RBPJ: variants seen among roughly 807,000 people sequenced by gnomAD.
The protein encoded by RBPJ is recombination signal binding protein for immunoglobulin kappa J region.
In RBPJ, 9 loss-of-function variants were observed where a neutral mutation model predicts 67.8. The observed-to-expected ratio is 0.13, with a 90% CI of 0.08 to 0.23. RBPJ has a LOEUF of 0.23. Ranked by LOEUF, RBPJ falls within the 10% of genes least tolerant of loss-of-function variation. RBPJ has a pLI of 1.00. For missense variants in RBPJ, 305 were observed against 595.6 expected (o/e 0.51, Z 5.08); for synonymous variants, 198 against 203.3 (o/e 0.97, Z 0.22).
At chr4:26,312,044 C>T (rs928384721) in intron 1 of RBPJ, among the ~76,000 whole-genome samples, 1 of 152,194 alleles carries the variant, frequency 6.6e-6, no homozygotes. Context: ...CATTTAGCGT[C>T]TTAGGGAGTG....
intron 1 of RBPJ, 110 bp downstream of exon 1, chr4:26,321,158 C>G (rs1166349865): frequency 3.3e-6 from 2 of 601,896 alleles, no homozygotes; most frequent in Admixed American, 8.6e-5. Context: ...TTCGGGGGCC[C>G]GCGGGGGCGG....
chr4:26,197,002 C>G (rs1202380894), intron 1 of RBPJ, among the ~76,000 whole-genome samples: 5 of 152,212 alleles, frequency 3.3e-5, no homozygotes, highest in Non-Finnish European at 7.3e-5. Flanking sequence ...ATGTATTTCT[C>G]TTATCATCTG....
At chr4:26,236,635 T>C (rs1224511107) in intron 1 of RBPJ, among the ~76,000 whole-genome samples, 1 of 152,208 alleles carries the variant, frequency 6.6e-6, no homozygotes, top group Admixed American at 6.5e-5. Flanking sequence ...GAGACCAAGA[T>C]GGAAGCTCAA....
At chr4:26,374,636 C>A (rs1358709358) in intron 1 of RBPJ, among the ~76,000 whole-genome samples, 1 of 152,010 alleles carries the variant, frequency 6.6e-6, no homozygotes, top group African/African-American at 2.4e-5. Flanking sequence ...CCACCATGCC[C>A]AGCTAATTTT....
At chr4:26,192,588 G>T (rs1412953458) in intron 1 of RBPJ, among the ~76,000 whole-genome samples, 1 of 152,072 alleles carries the variant, frequency 6.6e-6, no homozygotes, top group Non-Finnish European at 1.5e-5. Context: ...GCACTTAATT[G>T]GTTCTCAACT....
chr4:26,289,164 A>T (rs1721577391), intron 1 of RBPJ, among the ~76,000 whole-genome samples: 1 of 150,378 alleles, frequency 6.6e-6, no homozygotes, highest in Non-Finnish European at 1.5e-5. Context: ...TGGGAGGCCG[A>T]GGTGGACAGA....
At chr4:26,316,863 C>T (rs1358358585), upstream of RBPJ, among the ~76,000 whole-genome samples, 1 of 48,568 alleles carries the variant, frequency 2.1e-5, no homozygotes, top group African/African-American at 7.8e-5. Context: ...TTGCAAAAAA[C>T]CAACACAGGT....
rs1315023216 is a variant in RBPJ, at chr4:26,326,700, A to G, written c.20+5652A>G. On this transcript the variant is annotated intron_variant, in intron 1 of 10. Transcript: ENST00000355476. ...CTGTCAAATAAGGTAAATTTTGTGAAATAAGGTCAAATGAAACAGTGTATG... is the reference window on the plus strand; with the variant it reads ...CTGTCAAATAAGGTAAATTTTGTGAGATAAGGTCAAATGAAACAGTGTATG... Among the ~76,000 whole-genome samples, 4 of 152,350 alleles carry G rather than the reference A, an allele frequency of 2.6e-5. No homozygotes were observed. In the East Asian group the frequency reaches 7.7e-4, roughly 29 times the overall value.
rs569279143 is a variant in RBPJ at position 26,390,174 on chromosome 4, A to C, written c.59+3783A>C. Among the ~76,000 whole-genome samples, 6 of 152,346 alleles carry C rather than the reference A, an allele frequency of 3.9e-5. No homozygotes were observed. In the South Asian group the frequency reaches 1.2e-3, roughly 32 times the overall value. On this transcript the variant is annotated intron_variant, in intron 2 of 10. Transcript: ENST00000355476. ...ATAGAACAAAAAAGGAAAATCATAT[A>C]GTTATCTCGGGATTTAGAAAAAGCT...
At chr4:26,191,266 G>A (rs1211454783) in intron 1 of RBPJ, among the ~76,000 whole-genome samples, 3 of 141,090 alleles carry the variant, frequency 2.1e-5, no homozygotes, top group Non-Finnish European at 4.5e-5. Flanking sequence ...GGGAGAGAGG[G>A]AGAGAGAGAT....
chr4:26,316,631 T>TATTGATATATATATACAC (rs1722645679), upstream of RBPJ, among the ~76,000 whole-genome samples: 1 of 142,994 alleles, frequency 7.0e-6, no homozygotes, highest in Non-Finnish European at 1.5e-5. Flanking sequence ...TATATACACA[T>TATTGATATATATATACAC]ATTGATATAT....
intron 1 of RBPJ, among the ~76,000 whole-genome samples, chr4:26,278,954 G>A (rs559829293): frequency 1.6e-4 from 25 of 152,252 alleles, no homozygotes; most frequent in Non-Finnish European, 2.5e-4. Context: ...GGGTGCTGCC[G>A]TGGGAGCAGG....
intron 1 of RBPJ, among the ~76,000 whole-genome samples, chr4:26,188,367 T>C (rs1046296020): frequency 6.6e-6 from 1 of 152,210 alleles, no homozygotes; most frequent in African/African-American, 2.4e-5. Context: ...TACAATTTTG[T>C]CAAAAGCAAA....
At chr4:26,301,385 G>T (rs1417298604) in intron 1 of RBPJ, among the ~76,000 whole-genome samples, 1 of 152,148 alleles carries the variant, frequency 6.6e-6, no homozygotes, top group Non-Finnish European at 1.5e-5. Flanking sequence ...GAGGTCAGGA[G>T]ATCGAGACCA....
chr4:26,380,753 G>T (rs1730233089), intron 1 of RBPJ, among the ~76,000 whole-genome samples: 2 of 151,788 alleles, frequency 1.3e-5, no homozygotes, highest in South Asian at 4.2e-4. Flanking sequence ...TATGAGTTTG[G>T]ATTGTTGATG....
chr4:26,177,871 C>T (rs1716850967), intron 1 of RBPJ, among the ~76,000 whole-genome samples: 1 of 152,228 alleles, frequency 6.6e-6, no homozygotes, highest in Admixed American at 6.5e-5. Context: ...AGTCTCTGCA[C>T]ATGTAATAAA....
At chr4:26,254,637 G>A (rs769077331) in intron 1 of RBPJ, among the ~76,000 whole-genome samples, 2 of 147,632 alleles carry the variant, frequency 1.4e-5, no homozygotes, top group Non-Finnish European at 2.9e-5. Context: ...GAATGTTATC[G>A]ATGCTAGATA....
chr4:26,332,205 G>A (rs1340547361), intron 1 of RBPJ, among the ~76,000 whole-genome samples: 1 of 151,808 alleles, frequency 6.6e-6, no homozygotes, highest in Non-Finnish European at 1.5e-5. Context: ...GAGTTGCCAT[G>A]TCACTATTGT....
chr4:26,180,171 T>G (rs1716931453), intron 1 of RBPJ, among the ~76,000 whole-genome samples: 1 of 151,992 alleles, frequency 6.6e-6, no homozygotes, highest in Non-Finnish European at 1.5e-5. Context: ...GGGATCTTTT[T>G]GAGGGTGGAG....
Sources: gnomAD v4.1 joint callset for allele counts (sites outside exome capture counted in the v4.1 genomes callset) on GRCh38, gnomAD v4.1.1 for gene constraint, MANE v1.5 for transcripts, NCBI Gene and HGNC (gene_info 2026-07-23, HGNC 2026-07-21) for gene names.